Variants in DPP6 observed in about 807,000 individuals in gnomAD.
The protein encoded by DPP6 is dipeptidyl peptidase like 6, also known as A-type potassium channel modulatory protein DPP6.
Under a neutral mutation model 122.6 loss-of-function variants are expected in DPP6, and 69 were observed. The observed-to-expected ratio is 0.56, with a 90% CI of 0.46 to 0.69. The LOEUF (loss-of-function observed/expected upper bound fraction) is 0.69. Ranked by LOEUF, DPP6 falls within the 30% of genes least tolerant of loss-of-function variation. The pLI, the probability that DPP6 is intolerant of heterozygous loss-of-function variation, is 0.00. For synonymous variants in DPP6, 418 were observed against 433.1 expected (o/e 0.97, Z 0.43); for missense variants, 928 against 1,116.9 (o/e 0.83, Z 2.41).
At chr7:153,951,185 G>A (rs1317043177) in intron 1 of DPP6, among the ~76,000 whole-genome samples, 1 of 152,220 alleles carries the variant, frequency 6.6e-6, no homozygotes, top group Non-Finnish European at 1.5e-5. Context: ...GCAGAAAAGT[G>A]AGAAGTGAAA....
intron 7 of DPP6, among the ~76,000 whole-genome samples, chr7:154,713,571 G>T (rs559428580): frequency 2.1e-4 from 32 of 152,346 alleles, no homozygotes; most frequent in African/African-American, 7.5e-4. Flanking sequence ...CATGGAATTT[G>T]CCAAGATTTG....
chr7:154,374,634 G>A (rs1033308389), intron 1 of DPP6, among the ~76,000 whole-genome samples: 5 of 41,882 alleles, frequency 1.2e-4, no homozygotes, highest in Admixed American at 7.6e-4. Flanking sequence ...TTTTTGAGAC[G>A]CAGTTTTCCT....
chr7:154,329,958 C>T (rs965606124), intron 1 of DPP6, among the ~76,000 whole-genome samples: 44 of 152,274 alleles, frequency 2.9e-4, no homozygotes, highest in African/African-American at 9.4e-4. Context: ...TGTTCTCACT[C>T]ACAAGCGGGA....
chr7:154,279,502 T>A (rs1016516778), intron 1 of DPP6, among the ~76,000 whole-genome samples: 1 of 152,200 alleles, frequency 6.6e-6, no homozygotes, highest in Non-Finnish European at 1.5e-5. Context: ...TGCTGGAACA[T>A]AGGCATCTCA....
rs181786379 is a variant in DPP6 at position 154,128,400 on chromosome 7, C to T, written c.243+75337C>T. On this transcript the variant is annotated intron_variant, in intron 1 of 25. Transcript: ENST00000377770. ...TTCGAGACTGGGCAACATAGTGAGA[C>T]TGTCTATTTTTCTTTTTTTGAGACG... Among the ~76,000 whole-genome samples the T allele has an allele frequency of 4.7e-3, 716 of 152,254 alleles. 3 individuals are homozygous for T. The highest frequency in any genetic ancestry group is 7.1e-3 in the Non-Finnish European group (485 of 68,028).
At chr7:154,142,340 C>G (rs1439083826) in intron 1 of DPP6, among the ~76,000 whole-genome samples, 5 of 152,010 alleles carry the variant, frequency 3.3e-5, no homozygotes, top group Non-Finnish European at 7.4e-5. Flanking sequence ...ATTTGGGTTT[C>G]CAAACTGAAT....
rs78145254 is a variant in DPP6 at position 154,800,039 on chromosome 7, G to A, written c.1300-1316G>A. 9.8e-3 allele frequency among the ~76,000 whole-genome samples: 1,493 copies of A among 152,238 alleles called. 18 individuals carry two copies. Among genetic ancestry groups the A allele is most frequent in the African/African-American group, 0.033 (1,386 of 41,522 alleles). ...ACATTTATTTAGAGTATCTTTGTCT[G>A]CCAAACGTGCAAACATTTCCCCCAG... On this transcript the variant is annotated intron_variant, in intron 12 of 25. Transcript: ENST00000377770.
intron 1 of DPP6, among the ~76,000 whole-genome samples, chr7:154,085,913 A>G (rs1804379017): frequency 6.6e-6 from 1 of 152,082 alleles, no homozygotes; most frequent in African/African-American, 2.4e-5. Context: ...ATATTTAGCA[A>G]GACAGGGTTT....
Position 154,535,396 on chromosome 7 carries a change from T to TTTTA in DPP6, c.458-5134_458-5133insTATT, listed in dbSNP as rs1828160616. On this transcript the variant is annotated intron_variant, in intron 3 of 25. Coordinates refer to ENST00000377770, the MANE Select transcript of DPP6 (RefSeq NM_130797.4). ...TTTCATTCACTTTAGATTTTTTTTT[T>TTTTA]TTATTATTATACTTTAAGTTCTGGG... Among the ~76,000 whole-genome samples the TTTTA allele has an allele frequency of 3.3e-5, 5 of 151,856 alleles. 1 individual carries two copies. The South Asian group carries it at 1.0e-3, about 32-fold the overall frequency.
upstream of DPP6, among the ~76,000 whole-genome samples, chr7:154,052,249 A>G (rs1800394376): frequency 6.6e-6 from 1 of 150,862 alleles, no homozygotes; most frequent in Non-Finnish European, 1.5e-5. This position sits in a 1 kb window ranked among gnomAD's most constrained non-coding sequence, Gnocchi z 4.8. Flanking sequence ...CTTTTGTGCG[A>G]CCCCGTGCCC....
At position 154,058,931 on chromosome 7, in the gene DPP6, G is replaced by C. The variant is rs562439516; in HGVS notation, c.243+5868G>C. 3.3e-4 allele frequency: 47 copies of C among 141,570 alleles called. 2 individuals carry two copies. The highest frequency in any genetic ancestry group is 8.1e-3 in the Middle Eastern group (2 of 248). 8.8% of individuals were successfully genotyped at this position (141,570 alleles called of 1,614,324 possible). On this transcript the variant is annotated intron_variant, in intron 1 of 25. Coordinates refer to ENST00000377770, the MANE Select transcript of DPP6 (RefSeq NM_130797.4). ...TCCCCTCTTCCGCCCCTGGCTGTTA[G>C]TACCCCCATCGCAGGGTGGGGGAGG...
chr7:154,254,387 CTTTG>C (rs1254025601), intron 1 of DPP6, among the ~76,000 whole-genome samples: 17 of 152,152 alleles, frequency 1.1e-4, no homozygotes, highest in African/African-American at 3.4e-4. Flanking sequence ...GGTAGGCTTA[CTTTG>C]TTTATTTATA....
chr7:154,495,101 T>C (rs1824615402), intron 3 of DPP6, among the ~76,000 whole-genome samples: 1 of 152,184 alleles, frequency 6.6e-6, no homozygotes, highest in South Asian at 2.1e-4. Flanking sequence ...TCTCTAAATA[T>C]TGCAGGTAAA....
chr7:154,819,168 A>G (rs901246009), intron 16 of DPP6, among the ~76,000 whole-genome samples: 2 of 152,218 alleles, frequency 1.3e-5, no homozygotes, highest in African/African-American at 4.8e-5. Flanking sequence ...TAATGCCAGC[A>G]TTTTGGAAGG....
rs1253169804 is a variant in DPP6, at chr7:154,509,973, G to A, written c.458-30559G>A. 6.6e-5 allele frequency among the ~76,000 whole-genome samples: 10 copies of A among 152,120 alleles called. No homozygotes were observed. The East Asian group carries it at 1.7e-3, about 26-fold the overall frequency. On this transcript the variant is annotated intron_variant, in intron 3 of 25. Coordinates refer to ENST00000377770, the MANE Select transcript of DPP6 (RefSeq NM_130797.4). ...AGAAAGTGATAGATCAAAGTTAAGG[G>A]ATTCCTTTTTGAGATTCTGAGAATA...
At chr7:154,778,837 C>T (rs888855018) in intron 10 of DPP6, among the ~76,000 whole-genome samples, 80 of 150,708 alleles carry the variant, frequency 5.3e-4, no homozygotes, top group Non-Finnish European at 9.0e-4. Flanking sequence ...ACCACCTGTA[C>T]AACCTCCACC....
chr7:154,506,748 A>G (rs1487148906), intron 3 of DPP6, among the ~76,000 whole-genome samples: 2 of 152,204 alleles, frequency 1.3e-5, no homozygotes, highest in African/African-American at 4.8e-5. Context: ...TAAAATTAAG[A>G]TCTATATTTA....
chr7:153,810,651 GCTCCCTCTCCT>G, the DPP6 span, among the ~76,000 whole-genome samples: 46,770 of 133,198 alleles, frequency 0.35, 7,966 homozygotes, highest in South Asian at 0.45. Flanking sequence ...AATCCAAATC[GCTCCCTCTCCT>G]CTCTCTCTCC....
chr7:154,555,132 A>G (rs1829922195), intron 4 of DPP6, among the ~76,000 whole-genome samples: 2 of 152,234 alleles, frequency 1.3e-5, no homozygotes. Flanking sequence ...AATATTTAAT[A>G]TGTTCTTGAA....
Sources: allele counts gnomAD v4.1 joint callset (sites outside exome capture counted in the v4.1 genomes callset), GRCh38; gene constraint gnomAD v4.1.1; non-coding constraint Gnocchi (gnomAD v3.1); transcripts MANE v1.5; gene names NCBI Gene and HGNC (gene_info 2026-07-23, HGNC 2026-07-21).